The following CNTN5 variants were observed in gnomAD, a reference collection of about 807,000 sequenced individuals.
CNTN5 encodes contactin-5.
In CNTN5, 77 loss-of-function variants were observed where a neutral mutation model predicts 129.1. That is an observed-to-expected ratio of 0.60 (90% CI 0.50 to 0.72). CNTN5 has a LOEUF of 0.72. Ranked by LOEUF, CNTN5 falls within the 30% of genes least tolerant of loss-of-function variation. CNTN5 has a pLI of 0.00. For missense variants in CNTN5, 1,478 were observed against 1,328.8 expected, an observed-to-expected ratio of 1.11 and a Z score of -1.75; for synonymous variants, 509 against 465.6, an observed-to-expected ratio of 1.09 and a Z score of -1.20.
intron 3 of CNTN5, among the ~76,000 whole-genome samples, chr11:99,615,009 C>T (rs1591364447): frequency 6.7e-6 from 1 of 149,192 alleles, no homozygotes; most frequent in Non-Finnish European, 1.5e-5. Context: ...AGAAGTAATA[C>T]TATATCTATT....
At chr11:100,219,668 C>T (rs531153502) in intron 15 of CNTN5, among the ~76,000 whole-genome samples, 2 of 152,170 alleles carry the variant, frequency 1.3e-5, no homozygotes, top group South Asian at 4.1e-4. Flanking sequence ...ATATCAAGAT[C>T]CCAGTCTTGG....
At chr11:99,972,217 C>T (rs1350986317) in intron 8 of CNTN5, among the ~76,000 whole-genome samples, 2 of 151,496 alleles carry the variant, frequency 1.3e-5, no homozygotes, top group Non-Finnish European at 1.5e-5. Flanking sequence ...GCCGAGATTG[C>T]GCCACTGCAC....
chr11:99,904,995 T>C (rs1194926834), intron 6 of CNTN5, among the ~76,000 whole-genome samples: 1 of 152,212 alleles, frequency 6.6e-6, no homozygotes, highest in East Asian at 1.9e-4. Context: ...GTTTGTCTGT[T>C]CTTTTCTTGT....
At chr11:100,079,456 C>T (rs1003467510) in intron 13 of CNTN5, among the ~76,000 whole-genome samples, 6 of 152,096 alleles carry the variant, frequency 3.9e-5, no homozygotes, top group African/African-American at 1.4e-4. Context: ...CCAAACCTGT[C>T]GTCATTTATT....
At chr11:99,960,941 G>T (rs1484927388) in intron 8 of CNTN5, among the ~76,000 whole-genome samples, 1 of 152,102 alleles carries the variant, frequency 6.6e-6, no homozygotes, top group African/African-American at 2.4e-5. Flanking sequence ...CGTGGCTCAT[G>T]CCTGTAATCC....
intron 3 of CNTN5, among the ~76,000 whole-genome samples, chr11:99,703,842 A>G (rs568632391): frequency 7.3e-5 from 11 of 151,066 alleles, no homozygotes; most frequent in African/African-American, 2.7e-4. Flanking sequence ...AGATCCAAAC[A>G]ACGTTGAAAT....
intron 2 of CNTN5, among the ~76,000 whole-genome samples, chr11:99,526,783 G>A (rs1947504400): frequency 6.6e-6 from 1 of 152,170 alleles, no homozygotes; most frequent in Non-Finnish European, 1.5e-5. Context: ...GTGTACATTT[G>A]TTTTCATTTG....
intron 2 of CNTN5, among the ~76,000 whole-genome samples, chr11:99,343,303 A>G (rs541170673): frequency 2.6e-5 from 4 of 152,222 alleles, no homozygotes; most frequent in African/African-American, 9.6e-5. Flanking sequence ...TAGAATAGGT[A>G]TGTGTTGCTC....
intron 7 of CNTN5, among the ~76,000 whole-genome samples, chr11:99,937,897 G>C (rs1272394415): frequency 6.6e-6 from 1 of 152,136 alleles, no homozygotes; most frequent in African/African-American, 2.4e-5. Flanking sequence ...TAGAAGTTTA[G>C]CCTGTTGTGC....
chr11:99,909,741 C>T (rs536996620), intron 6 of CNTN5, among the ~76,000 whole-genome samples: 66 of 151,564 alleles, frequency 4.4e-4, no homozygotes, highest in Non-Finnish European at 7.8e-4. Context: ...TGTTCTCACT[C>T]ATAGGTGGGA....
At chr11:99,819,302 T>TTCTCTCCTC (rs150739162) in intron 3 of CNTN5, among the ~76,000 whole-genome samples, 1 of 4,812 alleles carries the variant, frequency 2.1e-4, no homozygotes, top group Non-Finnish European at 4.1e-4. Context: ...CTCCTCCCCT[T>TTCTCTCCTC]CCCTCCCCTC....
At chr11:99,581,918 C>T (rs1180715332) in intron 3 of CNTN5, among the ~76,000 whole-genome samples, 2 of 152,106 alleles carry the variant, frequency 1.3e-5, no homozygotes, top group Non-Finnish European at 2.9e-5. Context: ...TGCTTCCTAG[C>T]CTTGATGGTC....
At chr11:99,798,699 G>A (rs555527744) in intron 3 of CNTN5, among the ~76,000 whole-genome samples, 3 of 152,078 alleles carry the variant, frequency 2.0e-5, no homozygotes, top group East Asian at 3.9e-4. Context: ...AGGTATTGTG[G>A]TGCCTCCAGT....
intron 1 of CNTN5, among the ~76,000 whole-genome samples, chr11:99,243,478 T>G (rs1861663215): frequency 6.6e-6 from 1 of 152,212 alleles, no homozygotes; most frequent in South Asian, 2.1e-4. Flanking sequence ...AGGCCTTACT[T>G]GTCAATTGTA....
rs79708351 is a variant in CNTN5 at position 99,649,120 on chromosome 11, A to G, written c.55+92851A>G. On this transcript the variant is annotated intron_variant, in intron 3 of 24. Transcript: ENST00000524871. Reference sequence around the variant, plus strand: ...TGATATGCTAGTTGTGCTAATTACTATACATTTTATGTATCAAAACATCAC... The same window carrying G: ...TGATATGCTAGTTGTGCTAATTACTGTACATTTTATGTATCAAAACATCAC... 6.9e-3 allele frequency among the ~76,000 whole-genome samples: 1,043 copies of G among 151,904 alleles called. 13 individuals carry two copies. Among genetic ancestry groups the G allele is most frequent in the African/African-American group, 0.024 (981 of 41,532 alleles).
At chr11:99,699,463 T>C (rs1165990730) in intron 3 of CNTN5, among the ~76,000 whole-genome samples, 5 of 151,502 alleles carry the variant, frequency 3.3e-5, no homozygotes, top group African/African-American at 1.2e-4. Context: ...TGAGGTATCA[T>C]GTAAGACTTC....
chr11:99,874,458 G>T (rs1948583434), intron 6 of CNTN5, among the ~76,000 whole-genome samples: 1 of 152,124 alleles, frequency 6.6e-6, no homozygotes, highest in South Asian at 2.1e-4. Flanking sequence ...GCCCTTTGAT[G>T]ATGGTGATGA....
chr11:99,635,363 A>G (rs1238328384), intron 3 of CNTN5, among the ~76,000 whole-genome samples: 1 of 152,180 alleles, frequency 6.6e-6, no homozygotes, highest in Non-Finnish European at 1.5e-5. Context: ...TAAGATGAGG[A>G]AAATGTTAAC....
intron 15 of CNTN5, among the ~76,000 whole-genome samples, chr11:100,212,685 A>G (rs1949058391): frequency 6.6e-6 from 1 of 152,122 alleles, no homozygotes; most frequent in Non-Finnish European, 1.5e-5. Flanking sequence ...AGGCTAGAGT[A>G]GATGATTCCT....
Sources: gnomAD v4.1 joint callset for allele counts (sites outside exome capture counted in the v4.1 genomes callset) on GRCh38, gnomAD v4.1.1 for gene constraint, MANE v1.5 for transcripts, NCBI Gene and HGNC (gene_info 2026-07-23, HGNC 2026-07-21) for gene names.